CCNY: variants seen among roughly 807,000 people sequenced by gnomAD.
CCNY encodes cyclin Y, also known as cyclin-Y.
A neutral mutation model predicts 42.8 loss-of-function variants in CCNY; 19 were observed. That is an observed-to-expected ratio of 0.44 (90% CI 0.31 to 0.65). The LOEUF is 0.65. Ranked by LOEUF, CCNY falls within the 30% of genes least tolerant of loss-of-function variation. CCNY has a pLI of 0.07. For synonymous variants in CCNY, 165 were observed against 162.7 expected (o/e 1.01, Z -0.11); for missense variants, 370 against 437.3 (o/e 0.85, Z 1.37).
chr10:35,313,731 G>C (rs1292824483), intron 3 of CCNY, among the ~76,000 whole-genome samples: 1 of 152,166 alleles, frequency 6.6e-6, no homozygotes, highest in Non-Finnish European at 1.5e-5. Context: ...CCAACACTTT[G>C]GGAGGCTGAG....
At position 35,397,281 on chromosome 10, in the gene CCNY, A is replaced by T. The variant is rs114009500; in HGVS notation, c.154+60074A>T. ...TGTCTCTAGTGGTTCCTCCCTTCAA[A>T]CCTACTTACCCCATGTCATTATATT... On this transcript the variant is annotated intron_variant, in intron 1 of 9. Coordinates refer to ENST00000374704, the MANE Select transcript of CCNY (RefSeq NM_145012.6). Among the ~76,000 whole-genome samples, 1,031 of 152,298 alleles carry T rather than the reference A, an allele frequency of 6.8e-3. 11 individuals are homozygous for T. The highest frequency in any genetic ancestry group is 0.024 in the African/African-American group (986 of 41,552).
At chr10:35,392,034 AT>A (rs1837425099) in intron 1 of CCNY, among the ~76,000 whole-genome samples, 1 of 152,234 alleles carries the variant, frequency 6.6e-6, no homozygotes, top group Admixed American at 6.5e-5. Context: ...TCAAAATGAC[AT>A]TTTATGTCAT....
chr10:35,337,223 C>G lies in CCNY; in HGVS notation c.154+16C>G. On this transcript the variant is annotated intron_variant, in intron 1 of 9. Transcript: ENST00000374704. ...AACATAGACGGTGAGTGCGGCCCGCCGAGCCCCCTACCCGCCCCCGCGGCA... is the reference window on the plus strand; with the variant it reads ...AACATAGACGGTGAGTGCGGCCCGCGGAGCCCCCTACCCGCCCCCGCGGCA... 6.6e-7 allele frequency: 1 copy of G among 1,508,566 alleles called. No homozygotes were observed. The highest frequency in any genetic ancestry group is 2.7e-5 in the East Asian group (1 of 36,692). The allele number at this position is 1,508,566 out of a possible 1,614,324, so 93.4% of individuals were successfully genotyped here.
rs570750787 is a variant in CCNY at position 35,520,538 on chromosome 10, G to A, written c.365+3915G>A. Among the ~76,000 whole-genome samples the A allele has an allele frequency of 6.1e-4, 93 of 152,236 alleles. 1 individual carries two copies. The highest frequency in any genetic ancestry group is 2.1e-3 in the African/African-American group (88 of 41,540). On this transcript the variant is annotated intron_variant, in intron 4 of 9. Coordinates refer to ENST00000374704, the MANE Select transcript of CCNY (RefSeq NM_145012.6). ...CTATCTGAAATCCAGTTACAAGGTTGTAACTGTGAGAAGAATGCCCTAGGT... is the reference window on the plus strand; with the variant it reads ...CTATCTGAAATCCAGTTACAAGGTTATAACTGTGAGAAGAATGCCCTAGGT...
chr10:35,315,429 C>A (rs1423985725), intron 3 of CCNY: 1 of 152,180 alleles, frequency 6.6e-6, no homozygotes, highest in Non-Finnish European at 1.5e-5. Flanking sequence ...CATGTTCCTG[C>A]AAAGGAAATA....
At chr10:35,465,063 A>C (rs1007639403) in intron 1 of CCNY, among the ~76,000 whole-genome samples, 2 of 151,980 alleles carry the variant, frequency 1.3e-5, no homozygotes, top group Non-Finnish European at 2.9e-5. Flanking sequence ...CTTTGAGTTC[A>C]TTTGCATTTG....
intron 3 of CCNY, among the ~76,000 whole-genome samples, chr10:35,506,405 T>G (rs1840214752): frequency 6.6e-6 from 1 of 151,672 alleles, no homozygotes; most frequent in Non-Finnish European, 1.5e-5. Context: ...TTTTTGTTTT[T>G]TCTTCTTCTT....
intron 9 of CCNY, among the ~76,000 whole-genome samples, chr10:35,568,542 G>C (rs569313980): frequency 6.6e-6 from 1 of 152,336 alleles, no homozygotes; most frequent in South Asian, 2.1e-4. Flanking sequence ...CTCTAGAGGT[G>C]ACTTAAGTCC....
At chr10:35,491,421 G>C (rs1022564641) in intron 2 of CCNY, among the ~76,000 whole-genome samples, 2 of 152,088 alleles carry the variant, frequency 1.3e-5, no homozygotes, top group Non-Finnish European at 2.9e-5. Context: ...GATCTCTTGA[G>C]CCAGCCTCTT....
At chr10:35,359,633 A>G (rs926399987) in intron 1 of CCNY, among the ~76,000 whole-genome samples, 73 of 152,054 alleles carry the variant, frequency 4.8e-4, no homozygotes, top group African/African-American at 1.7e-3. Context: ...GATCCACCAC[A>G]CCCATTTTAG....
In CCNY at chr10:35,254,964, TATG is replaced by T. The variant is rs1418631087; in HGVS notation, c.-9+4341_-9+4343del. ...CATTGTGGTCAGAGAGGATACGTTG[TATG>T]ATATTTTAAACAATCGACTGTTGGG... is the stretch of plus-strand genomic sequence containing the variant. On this transcript the variant is annotated intron_variant, in intron 3 of 11. Transcript: ENST00000374706. 2.0e-5 allele frequency among the ~76,000 whole-genome samples: 3 copies of T among 152,304 alleles called. No homozygotes were observed. In the East Asian group the frequency reaches 5.8e-4, roughly 29 times the overall value.
At chr10:35,554,461 A>G (rs937868639) in intron 8 of CCNY, among the ~76,000 whole-genome samples, 2 of 152,230 alleles carry the variant, frequency 1.3e-5, no homozygotes, top group Non-Finnish European at 2.9e-5. Flanking sequence ...ACTATATTTC[A>G]TGGTGAAAAC....
chr10:35,433,406 A>G (rs561066814), intron 1 of CCNY, among the ~76,000 whole-genome samples: 10 of 152,206 alleles, frequency 6.6e-5, no homozygotes, highest in Non-Finnish European at 1.5e-4. Flanking sequence ...TCATACCTTC[A>G]GTACCATAAG....
At chr10:35,296,111 G>C (rs1835467169) in intron 3 of CCNY, among the ~76,000 whole-genome samples, 2 of 152,154 alleles carry the variant, frequency 1.3e-5, no homozygotes, top group South Asian at 2.1e-4. Context: ...ATCACAACTA[G>C]AGGAACTAGA....
rs1233920207 is a variant in CCNY at position 35,572,016 on chromosome 10, C to G, written c.*2846C>G. The G allele has an allele frequency of 6.6e-6, 1 of 150,570 alleles. No homozygotes were observed. Among genetic ancestry groups the G allele is most frequent in the African/African-American group, 2.4e-5 (1 of 40,858 alleles). 9.3% of individuals were successfully genotyped at this position (150,570 alleles called of 1,614,324 possible). Reference sequence around the variant, plus strand: ...AAAGAAGAAGTCAGGAGTTTAAAACCAAATTGGAGGGCAGATGAGAAATCC... The same window carrying G: ...AAAGAAGAAGTCAGGAGTTTAAAACGAAATTGGAGGGCAGATGAGAAATCC... On this transcript the variant is annotated 3_prime_UTR_variant, in exon 10 of 10. Coordinates refer to ENST00000374704, the MANE Select transcript of CCNY (RefSeq NM_145012.6).
chr10:35,303,013 T>TAGTG, intron 3 of CCNY, among the ~76,000 whole-genome samples: 1 of 152,162 alleles, frequency 6.6e-6, no homozygotes, highest in South Asian at 2.1e-4. Context: ...TTGGGAAACA[T>TAGTG]AGTGAGACCC....
At chr10:35,515,910 A>G in intron 3 of CCNY, among the ~76,000 whole-genome samples, 1 of 152,246 alleles carries the variant, frequency 6.6e-6, no homozygotes. Flanking sequence ...ACAAAGAACT[A>G]TCTAAAGGTC....
chr10:35,311,108 T>C (rs1208748024), intron 3 of CCNY, among the ~76,000 whole-genome samples: 1 of 151,452 alleles, frequency 6.6e-6, no homozygotes, highest in Non-Finnish European at 1.5e-5. Flanking sequence ...AGGCCAGGAG[T>C]TGGAAACCAG....
At chr10:35,350,523 A>C (rs528217126) in intron 1 of CCNY, among the ~76,000 whole-genome samples, 3 of 152,104 alleles carry the variant, frequency 2.0e-5, no homozygotes, top group African/African-American at 7.2e-5. Context: ...TCAGGTGCTG[A>C]ATTGGTTTTG....
Sources: gnomAD v4.1 joint callset for allele counts (sites outside exome capture counted in the v4.1 genomes callset) on GRCh38, gnomAD v4.1.1 for gene constraint, MANE v1.5 for transcripts, NCBI Gene and HGNC (gene_info 2026-07-23, HGNC 2026-07-21) for gene names.